NEBL: variants seen among roughly 807,000 people sequenced by gnomAD.
The protein encoded by NEBL is LIM and SH3 protein 2.
Under a neutral mutation model 140.2 loss-of-function variants are expected in NEBL, and 122 were observed. That is an observed-to-expected ratio of 0.87 (90% CI 0.75 to 1.01). NEBL has a LOEUF of 1.01. NEBL is among the 50% of genes least tolerant of loss of function. The probability of loss-of-function intolerance (pLI) is 0.00; values close to 1 mark genes in which losing one functional copy is unlikely to be tolerated. For missense variants in NEBL, 1,365 were observed against 1,231.3 expected (o/e 1.11, Z -1.62); for synonymous variants, 436 against 398.9 (o/e 1.09, Z -1.11).
rs1273677032 is a variant in NEBL, at chr10:20,808,569, G to A, written c.2702C>T (p.Ser901Phe). 6.2e-7 allele frequency: 1 copy of A among 1,613,942 alleles called. No homozygotes were observed. Among genetic ancestry groups the A allele is most frequent in the Admixed American group, 1.7e-5 (1 of 59,996 alleles). Residue 901 changes from serine (S) to phenylalanine (F), a missense_variant, in exon 26 of 28, where the codon TCC (serine) becomes TTC (phenylalanine). Transcript: ENST00000377122. ...GCATGAAAAGCTAGGGTAAATCTCG[G>A]AGATTTCTGACCTGTCGTCTCCGAG... ...TGLGDDRSEI[S>F]EIYPSFSCCS...
At chr10:21,191,740 A>G (rs945843337) in intron 3 of NEBL, among the ~76,000 whole-genome samples, 4 of 152,222 alleles carry the variant, frequency 2.6e-5, no homozygotes, top group Admixed American at 2.6e-4. Flanking sequence ...GGCATTCTAT[A>G]TGGTGAGTCA....
chr10:20,929,402 A>G (rs930282543), intron 4 of NEBL, among the ~76,000 whole-genome samples: 2 of 152,160 alleles, frequency 1.3e-5, no homozygotes, highest in Admixed American at 6.5e-5. Flanking sequence ...TTCCTAGTCA[A>G]TAAAATTTTG....
chr10:21,130,847 A>G (rs953923070), intron 2 of NEBL, among the ~76,000 whole-genome samples: 1 of 152,070 alleles, frequency 6.6e-6, no homozygotes, highest in South Asian at 2.1e-4. Flanking sequence ...AGAAGAGCCA[A>G]TTAAATACAA....
At chr10:21,057,388 C>T (rs1336630938) in intron 2 of NEBL, among the ~76,000 whole-genome samples, 2 of 151,740 alleles carry the variant, frequency 1.3e-5, no homozygotes, top group African/African-American at 4.8e-5. Context: ...AGGGACCTTG[C>T]ACATATCAAA....
At chr10:20,934,422 C>T (rs961116176) in intron 4 of NEBL, among the ~76,000 whole-genome samples, 5 of 152,200 alleles carry the variant, frequency 3.3e-5, no homozygotes, top group African/African-American at 1.2e-4. Flanking sequence ...TAGTCATTCT[C>T]CTTGCCACAC....
chr10:20,819,513 G>A lies in NEBL; in HGVS notation c.1966C>T (p.Gln656Ter). The A allele has an allele frequency of 6.2e-7, 1 of 1,613,898 alleles. No individual in the cohort carries two copies. The highest frequency in any genetic ancestry group is 8.5e-7 in the Non-Finnish European group (1 of 1,179,892). ...GCCTTGTAGTTTTGCTCTTTATACT[G>A]GAGCTGAGAGACAAGGTGCAAGACA... ...KENQKNISNL[Q>*]YKEQNYKATP... is the part of the protein sequence containing the mutation. The change falls in exon 20 of 28, where the codon CAG becomes TAG. Residue 656 changes from glutamine (Q) to a stop codon, truncating the protein, a stop_gained. Transcript: ENST00000377122. LOFTEE classifies it high-confidence loss of function.
intron 2 of NEBL, among the ~76,000 whole-genome samples, chr10:21,072,518 C>T (rs1466962691): frequency 1.3e-5 from 2 of 152,240 alleles, no homozygotes; most frequent in Non-Finnish European, 2.9e-5. Flanking sequence ...GGGCAACTAA[C>T]AGGCATAGTG....
intron 9 of NEBL, among the ~76,000 whole-genome samples, chr10:20,854,561 C>CTTT (rs71390794): frequency 9.1e-4 from 98 of 107,252 alleles, no homozygotes; most frequent in African/African-American, 2.5e-3. Context: ...TCATATAGTA[C>CTTT]TTTTTTTTTT....
intron 2 of NEBL, chr10:21,146,465 G>C: frequency 6.2e-7 from 1 of 1,613,706 alleles, no homozygotes; most frequent in Non-Finnish European, 8.5e-7. Flanking sequence ...AATTTCAGGT[G>C]CCATGCTTTC....
chr10:20,790,579 C>G (rs554009546), intron 26 of NEBL, among the ~76,000 whole-genome samples: 162 of 147,612 alleles, frequency 1.1e-3, no homozygotes, highest in African/African-American at 3.9e-3. Flanking sequence ...CCAGCCTGGG[C>G]GACAGAGTGA....
rs561903735 is a variant in NEBL, at chr10:20,918,189, T to C, written c.357+43483A>G. 1.2e-3 allele frequency among the ~76,000 whole-genome samples: 182 copies of C among 152,186 alleles called. 2 individuals carry two copies. The highest frequency in any genetic ancestry group is 4.1e-3 in the African/African-American group (171 of 41,526). ...GCCTGGCCAACATGCTGAAACCCTG[T>C]CGCTACTAAAATACAAAAATTAGCT... is the stretch of plus-strand genomic sequence containing the variant. On this transcript the variant is annotated intron_variant, in intron 4 of 6. Coordinates refer to the NEBL transcript ENST00000417816.
intron 3 of NEBL, among the ~76,000 whole-genome samples, chr10:20,998,915 G>A (rs986139913): frequency 2.0e-5 from 3 of 152,120 alleles, no homozygotes; most frequent in South Asian, 2.1e-4. Context: ...AGGTCACACC[G>A]CAGCAAGTTC....
intron 1 of NEBL, among the ~76,000 whole-genome samples, chr10:21,266,297 A>G (rs1588579992): frequency 6.6e-6 from 1 of 152,074 alleles, no homozygotes; most frequent in East Asian, 1.9e-4. Flanking sequence ...GCACACCACC[A>G]TGCCCGGCTA....
intron 2 of NEBL, among the ~76,000 whole-genome samples, chr10:21,079,806 ATATAAGATCAT>A (rs1170131129): frequency 6.6e-6 from 1 of 152,228 alleles, no homozygotes; most frequent in Non-Finnish European, 1.5e-5. Flanking sequence ...GTGCACAGAC[ATATAAGATCAT>A]TATTTGTTCT....
chr10:21,012,473 C>T (rs1172780780), intron 3 of NEBL, among the ~76,000 whole-genome samples: 1 of 152,196 alleles, frequency 6.6e-6, no homozygotes, highest in South Asian at 2.1e-4. Context: ...GATCCTTCTG[C>T]CTCAGCCTCC....
chr10:21,026,197 G>C (rs1229499255), intron 2 of NEBL, among the ~76,000 whole-genome samples: 1 of 152,142 alleles, frequency 6.6e-6, no homozygotes, highest in Non-Finnish European at 1.5e-5. Flanking sequence ...ACTGTCCTCA[G>C]AGGACATTTG....
intron 5 of NEBL, among the ~76,000 whole-genome samples, chr10:20,879,967 T>C (rs1034140981): frequency 6.6e-6 from 1 of 152,248 alleles, no homozygotes; most frequent in Non-Finnish European, 1.5e-5. Context: ...TTCTACTGAC[T>C]GACTTCCTCC....
At chr10:20,944,522 A>T (rs1458251615) in intron 4 of NEBL, among the ~76,000 whole-genome samples, 1 of 152,238 alleles carries the variant, frequency 6.6e-6, no homozygotes, top group Non-Finnish European at 1.5e-5. Flanking sequence ...CATGAGAACT[A>T]ATGTAGCATT....
At position 20,801,185 on chromosome 10, in the gene NEBL, CTCTT is replaced by C. The variant is rs544740150; in HGVS notation, c.2761+7321_2761+7324del. Among the ~76,000 whole-genome samples the C allele has an allele frequency of 1.9e-4, 29 of 151,978 alleles. No homozygotes were observed. In the South Asian group the frequency reaches 6.0e-3, roughly 32 times the overall value. On this transcript the variant is annotated intron_variant, in intron 26 of 27. Coordinates refer to ENST00000377122, the MANE Select transcript of NEBL (RefSeq NM_006393.3). ...TCTCTACTTGGCTATCTCTCTCTCT[CTCTT>C]TAAATTTTATTTATTTTTATTTTTA...
Sources: gnomAD v4.1 joint callset for allele counts (sites outside exome capture counted in the v4.1 genomes callset) on GRCh38, gnomAD v4.1.1 for gene constraint, MANE v1.5 for transcripts, NCBI Gene and HGNC (gene_info 2026-07-23, HGNC 2026-07-21) for gene names.